UBQLN1: variants seen among roughly 807,000 people sequenced by gnomAD.
UBQLN1 encodes ubiquilin 1, also known as ubiquilin-1.
In UBQLN1, 13 loss-of-function variants were observed where a neutral mutation model predicts 65.4. That is an observed-to-expected ratio of 0.20 (90% CI 0.13 to 0.32). The LOEUF is 0.32. Ranked by LOEUF, UBQLN1 falls within the 10% of genes least tolerant of loss-of-function variation. The probability of loss-of-function intolerance (pLI) is 1.00; values close to 1 mark genes in which losing one functional copy is unlikely to be tolerated. For missense variants in UBQLN1, 561 were observed against 724.0 expected, an observed-to-expected ratio of 0.77 and a Z score of 2.58; for synonymous variants, 267 against 247.8, an observed-to-expected ratio of 1.08 and a Z score of -0.73.
chr9:83,707,850 T>G lies in UBQLN1; in HGVS notation c.-171A>C. ...CGTAGCGGGTGTGGGGCCCCGGAGCTCGGTGCAGGCTCTGGCGCAGGCCCG... is the reference window on the plus strand; with the variant it reads ...CGTAGCGGGTGTGGGGCCCCGGAGCGCGGTGCAGGCTCTGGCGCAGGCCCG... On this transcript the variant is annotated 5_prime_UTR_variant, in exon 1 of 11. Transcript: ENST00000376395. The G allele has an allele frequency of 2.0e-6, 2 of 998,202 alleles. No homozygotes were observed. Among genetic ancestry groups the G allele is most frequent in the Non-Finnish European group, 2.8e-6 (2 of 722,658 alleles). The allele number at this position is 998,202 out of a possible 1,614,324, so 61.8% of individuals were successfully genotyped here.
intron 1 of UBQLN1, among the ~76,000 whole-genome samples, chr9:83,702,136 C>G (rs79938725): frequency 0.011 from 1,612 of 152,198 alleles, 11 homozygotes; most frequent in Non-Finnish European, 0.017. Context: ...TCAGTAGTTG[C>G]CTAAGGCTGG....
intron 1 of UBQLN1, among the ~76,000 whole-genome samples, chr9:83,697,743 T>A (rs1832243293): frequency 7.0e-6 from 1 of 143,342 alleles, no homozygotes; most frequent in East Asian, 2.1e-4. Flanking sequence ...CTTTTTTTTT[T>A]TTTTTTTTTT....
Position 83,669,227 on chromosome 9 carries a change from G to C in UBQLN1, c.1206C>G (p.Ser402Arg). Residue 402 changes from serine to arginine, a missense_variant, in exon 7 of 11, where the codon AGC becomes AGG. Physicochemically the swap from Ser to Arg is moderately radical, Grantham distance 110 (BLOSUM62 -1). Transcript: ENST00000376395. ...GATTCTGGCTTAGTGACTGCATCAT[G>C]CTTCTCATGTAGGGGGCAGACAACA... ...QNMLSAPYMR[S>R]MMQSLSQNPD... is the part of the protein sequence containing the mutation. 1 of 1,612,030 alleles carries C rather than the reference G, an allele frequency of 6.2e-7. No individual in the cohort carries two copies.
intron 1 of UBQLN1, among the ~76,000 whole-genome samples, chr9:83,704,195 T>C (rs1295148451): frequency 1.3e-5 from 2 of 152,248 alleles, no homozygotes; most frequent in African/African-American, 4.8e-5. Flanking sequence ...AATTTTAATG[T>C]CATTAAGTAT....
intron 6 of UBQLN1, among the ~76,000 whole-genome samples, chr9:83,669,783 C>T (rs767359191): frequency 1.3e-5 from 2 of 152,164 alleles, no homozygotes; most frequent in African/African-American, 4.8e-5. Flanking sequence ...GTAATGCCTC[C>T]ACCCATTTTC....
rs369817458 is a variant in UBQLN1 at position 83,665,092 on chromosome 9, G to C, written c.1386C>G (p.Ala462=). 14 of 1,613,850 alleles carry C rather than the reference G, an allele frequency of 8.7e-6. No individual in the cohort carries two copies. The highest frequency in any genetic ancestry group is 1.3e-5 in the African/African-American group (1 of 74,878). The part of the protein sequence containing the change: ...SAMSNPRAMQ[A]LLQIQQGLQT... ...GTAAACCCTGCTGAATCTGTAACAA[G>C]GCCTGCATTGCTCTAGGGTTTGACA... is the stretch of plus-strand genomic sequence containing the variant. Residue 462 remains alanine (A), a synonymous_variant, in exon 9 of 11, where the codon GCC becomes GCG. Coordinates refer to ENST00000376395, the MANE Select transcript of UBQLN1 (RefSeq NM_013438.5).
At chr9:83,663,168 G>A (rs570911152) in intron 10 of UBQLN1, among the ~76,000 whole-genome samples, 251 of 149,396 alleles carry the variant, frequency 1.7e-3, no homozygotes, top group African/African-American at 5.5e-3. Context: ...AGAGGAAGGA[G>A]GAAAAGGAAA....
At chr9:83,696,571 C>G (rs1361874266) in intron 1 of UBQLN1, among the ~76,000 whole-genome samples, 7 of 151,526 alleles carry the variant, frequency 4.6e-5, no homozygotes, top group Admixed American at 4.6e-4. Context: ...CCCAGGAGAT[C>G]AAGGTTGCAG....
intron 1 of UBQLN1, among the ~76,000 whole-genome samples, chr9:83,697,794 T>C (rs115409907): frequency 0.039 from 5,552 of 141,728 alleles, 369 homozygotes; most frequent in African/African-American, 0.14. Flanking sequence ...TGGAGTGCGA[T>C]GGCACGATTC....
At chr9:83,680,151 G>T (rs1831916986) in intron 3 of UBQLN1, 114 bp from the exon 4 acceptor site, 2 of 1,159,340 alleles carry the variant, frequency 1.7e-6, no homozygotes, top group Non-Finnish European at 2.4e-6. Flanking sequence ...TCTATTACAA[G>T]AAATCATTTA....
At chr9:83,663,017 A>G (rs1831585561) in intron 10 of UBQLN1, among the ~76,000 whole-genome samples, 1 of 149,658 alleles carries the variant, frequency 6.7e-6, no homozygotes, top group Non-Finnish European at 1.5e-5. Flanking sequence ...TGCAGGTCGC[A>G]GTGAGCTGTG....
intron 1 of UBQLN1, among the ~76,000 whole-genome samples, chr9:83,701,351 GTC>G (rs1832306563): frequency 6.6e-6 from 1 of 152,020 alleles, no homozygotes; most frequent in Non-Finnish European, 1.5e-5. Flanking sequence ...CACATCTGTT[GTC>G]ATATCCCACA....
chr9:83,670,249 C>T (rs945650503), intron 6 of UBQLN1, among the ~76,000 whole-genome samples: 2 of 152,014 alleles, frequency 1.3e-5, no homozygotes, highest in African/African-American at 2.4e-5. Flanking sequence ...TTTTCATCTC[C>T]TTTCTGCTAT....
chr9:83,703,735 T>G (rs954066743), intron 1 of UBQLN1, among the ~76,000 whole-genome samples: 2 of 152,176 alleles, frequency 1.3e-5, no homozygotes, highest in Non-Finnish European at 2.9e-5. Context: ...GAATAATAAA[T>G]TTCACTCTAA....
intron 3 of UBQLN1, 138 bp downstream of exon 3, chr9:83,682,813 T>C (rs1831965873): frequency 4.1e-6 from 2 of 483,860 alleles, no homozygotes; most frequent in South Asian, 3.1e-5. Flanking sequence ...TCTACAATTA[T>C]AGGAATGTAT....
chr9:83,703,545 A>G (rs949939600), intron 1 of UBQLN1, among the ~76,000 whole-genome samples: 4 of 152,198 alleles, frequency 2.6e-5, no homozygotes, highest in African/African-American at 9.6e-5. Context: ...GAAAATCCAA[A>G]GTCCCAAACA....
chr9:83,665,740 A>G (rs569301605), intron 8 of UBQLN1, among the ~76,000 whole-genome samples: 1 of 152,214 alleles, frequency 6.6e-6, no homozygotes, highest in Non-Finnish European at 1.5e-5. Context: ...TTTGCATAAT[A>G]CATGAGGCCC....
chr9:83,680,403 T>C (rs1831920921), intron 3 of UBQLN1, among the ~76,000 whole-genome samples: 1 of 152,094 alleles, frequency 6.6e-6, no homozygotes, highest in African/African-American at 2.4e-5. Flanking sequence ...GCTAATGAAG[T>C]GACTTAGGCC....
At chr9:83,706,982 T>C (rs950506926) in intron 1 of UBQLN1, among the ~76,000 whole-genome samples, 18 of 152,174 alleles carry the variant, frequency 1.2e-4, no homozygotes, top group African/African-American at 4.1e-4. Context: ...GGGAAAGATT[T>C]CAGGAGTTAA....
Sources: allele counts gnomAD v4.1 joint callset (sites outside exome capture counted in the v4.1 genomes callset), GRCh38; gene constraint gnomAD v4.1.1; transcripts MANE v1.5; gene names NCBI Gene and HGNC (gene_info 2026-07-23, HGNC 2026-07-21).